Variants in BUD23 observed in about 807,000 individuals in gnomAD.
BUD23 encodes the protein BUD23 rRNA methyltransferase and ribosome maturation factor.
A neutral mutation model predicts 47.0 loss-of-function variants in BUD23; 34 were observed. The ratio of observed to expected loss-of-function variants is 0.72; its 90% CI spans 0.55 to 0.96. The LOEUF is 0.96. Ranked by LOEUF, BUD23 falls within the 40% of genes least tolerant of loss-of-function variation. The pLI is 0.00. For synonymous variants in BUD23, 124 were observed against 132.0 expected (o/e 0.94, Z 0.41); for missense variants, 343 against 361.2 (o/e 0.95, Z 0.41).
At chr7:73,695,209 C>T (rs1490663290) in intron 10 of BUD23, 1 of 152,308 alleles carries the variant, frequency 6.6e-6, no homozygotes, top group African/African-American at 2.4e-5. Context: ...GTCTCGGCCT[C>T]CCAAAGTTCT....
intron 7 of BUD23, chr7:73,693,034 T>A (rs1554614292): frequency 1.8e-6 from 1 of 554,358 alleles, no homozygotes; most frequent in African/African-American, 1.9e-5. Flanking sequence ...ACTAATAACA[T>A]GAATGACTCT....
chr7:73,689,889 G>A (rs185526894), intron 5 of BUD23, among the ~76,000 whole-genome samples: 24 of 152,234 alleles, frequency 1.6e-4, no homozygotes, highest in African/African-American at 4.1e-4. Flanking sequence ...GCATTGGTGC[G>A]GGGAAGTGAA....
At chr7:73,692,847 T>G in intron 7 of BUD23, 1 of 574,004 alleles carries the variant, frequency 1.7e-6, no homozygotes, top group Non-Finnish European at 3.1e-6. Context: ...ATGCCTTCTC[T>G]TGGCAGATGA....
rs141991727 is a variant in BUD23, at chr7:73,692,599, C to T, written c.463C>T (p.Arg155Trp). ...GTGATGTTCCTGTTTCTTTCAGGTC[C>T]GGGGATCCCGAGCTGTCCTGCAGCT... ...FFASLFSVLVRGSRAVLQLYP... is the reference protein window; with the variant it reads ...FFASLFSVLVWGSRAVLQLYP... Residue 155 changes from arginine to tryptophan, a missense_variant, in exon 7 of 12, where the codon CGG (arginine) becomes TGG (tryptophan). By Grantham distance (101) the Arg-to-Trp change is moderately radical (BLOSUM62 -3). Transcript: ENST00000265758. 2.0e-5 allele frequency: 33 copies of T among 1,613,428 alleles called. No individual in the cohort carries two copies. The South Asian group carries it at 2.1e-4, about 10-fold the overall frequency.
Position 73,697,985 on chromosome 7 carries a change from G to A in BUD23, c.*99G>A, listed in dbSNP as rs1269432796. On this transcript the variant is annotated 3_prime_UTR_variant, in exon 12 of 12. Transcript: ENST00000265758. ...AGAAAAGTTCTAAAGTTATAAAAAT[G>A]TTTTCTGCAGTAAAAAAAAAGTTCT... The A allele has an allele frequency of 4.1e-5, 58 of 1,426,834 alleles. No homozygotes were observed. The highest frequency in any genetic ancestry group is 4.9e-5 in the Non-Finnish European group (52 of 1,070,208). The allele number at this position is 1,426,834 out of a possible 1,614,324, so 88.4% of individuals were successfully genotyped here.
In BUD23 at chr7:73,693,633, C is replaced by T; in HGVS notation, c.606C>T (p.Leu202=). 1.2e-6 allele frequency: 2 copies of T among 1,614,194 alleles called. No homozygotes were observed. The highest frequency in any genetic ancestry group is 1.7e-6 in the Non-Finnish European group (2 of 1,180,032). Residue 202 remains leucine, a synonymous_variant, in exon 9 of 12, where the codon CTC becomes CTT. Coordinates refer to ENST00000265758, the MANE Select transcript of BUD23 (RefSeq NM_017528.5). Reference sequence around the variant, plus strand: ...CACTTTCTCCTTTCAGATTCTACCTCTGCTTGTTTTCTGGGCCTTCGACCT... The same window carrying T: ...CACTTTCTCCTTTCAGATTCTACCTTTGCTTGTTTTCTGGGCCTTCGACCT... ...PNSAKAKKFY[L]CLFSGPSTFI...
intron 2 of BUD23, among the ~76,000 whole-genome samples, chr7:73,685,652 C>T (rs879972488): frequency 2.6e-5 from 4 of 152,134 alleles, no homozygotes; most frequent in Non-Finnish European, 5.9e-5. Flanking sequence ...ATCCACCCGC[C>T]TTGGCCTCCC....
intron 6 of BUD23, 127 bp from the exon 7 acceptor site, chr7:73,692,469 A>G: frequency 1.2e-6 from 1 of 839,694 alleles, no homozygotes; most frequent in Non-Finnish European, 1.9e-6. Context: ...TACTATCCCC[A>G]GCCCTAACAA....
rs1798507326 is a variant in BUD23 at position 73,698,137 on chromosome 7, G to GTAAA, written c.*251_*252insTAAA. 4 of 136,462 alleles carry GTAAA rather than the reference G, an allele frequency of 2.9e-5. No homozygotes were observed. Among genetic ancestry groups the GTAAA allele is most frequent in the South Asian group, 2.3e-4 (1 of 4,298 alleles). The allele number at this position is 136,462 out of a possible 1,614,324, so 8.5% of individuals were successfully genotyped here. ...ATAATGAAACTTCCTTTCCAGGGAG[G>GTAAA]AAAAAAAAAAAAAAAAAAAGCTCTG... is the stretch of plus-strand genomic sequence containing the variant. On this transcript the variant is annotated 3_prime_UTR_variant, in exon 12 of 12. Transcript: ENST00000265758.
At chr7:73,690,820 C>G (rs1798163193) in intron 5 of BUD23, 96 bp from the exon 6 acceptor site, 1 of 984,566 alleles carries the variant, frequency 1.0e-6, no homozygotes, top group African/African-American at 1.6e-5. Flanking sequence ...AGGGGTTTCT[C>G]TTGGAGAGCC....
In BUD23 at chr7:73,686,627, C is replaced by A; in HGVS notation, c.87-9C>A. The A allele has an allele frequency of 6.2e-7, 1 of 1,613,814 alleles. No homozygotes were observed. The highest frequency in any genetic ancestry group is 1.1e-5 in the South Asian group (1 of 91,070). ...TTTACCATGTCCACTTGTGTTTCTG[C>A]CTTACCAGCTCACGGATGATTGATA... On this transcript the variant is annotated splice_polypyrimidine_tract_variant and intron_variant, in intron 2 of 11. Transcript: ENST00000265758.
intron 5 of BUD23, among the ~76,000 whole-genome samples, chr7:73,687,548 T>C (rs1554613268): frequency 6.6e-6 from 1 of 152,194 alleles, no homozygotes; most frequent in African/African-American, 2.4e-5. Context: ...GTGCTGGGAT[T>C]ACAGGTGTGA....
intron 10 of BUD23, chr7:73,696,895 TC>T: frequency 6.3e-6 from 1 of 158,496 alleles, no homozygotes; most frequent in Non-Finnish European, 1.4e-5. Context: ...TTGATGACTT[TC>T]CCCCTTGCTG....
chr7:73,683,711 T>C (rs1797815644), intron 1 of BUD23, 38 bp downstream of exon 1: 3 of 1,613,918 alleles, frequency 1.9e-6, no homozygotes, highest in Middle Eastern at 1.6e-4. Flanking sequence ...TCTCCCCACT[T>C]CTGCGGCCAC....
rs782458230 is a variant in BUD23, at chr7:73,683,623, A to T, written c.-3A>T. On this transcript the variant is annotated 5_prime_UTR_variant, in exon 1 of 12. Transcript: ENST00000265758. ...GTCGCAGGTGTGCTGCTGAGGCGTG[A>T]GAATGGCGTCCCGCGGCCGGCGTCC... 3 of 1,608,950 alleles carry T rather than the reference A, an allele frequency of 1.9e-6. No individual in the cohort carries two copies. Among genetic ancestry groups the T allele is most frequent in the South Asian group, 1.1e-5 (1 of 90,794 alleles).
At position 73,686,916 on chromosome 7, in the gene BUD23, C is replaced by T; in HGVS notation, c.265+16C>T. The stretch of plus-strand genomic sequence containing the variant: ...GCCATGCTGGGTAAGTATGTCCTGT[C>T]TGGCACCAGGGTGGATTACCCTGAT... On this transcript the variant is annotated intron_variant, in intron 4 of 11. Transcript: ENST00000265758. The T allele has an allele frequency of 1.2e-6, 2 of 1,614,184 alleles. No homozygotes were observed. The highest frequency in any genetic ancestry group is 1.3e-5 in the African/African-American group (1 of 75,052).
At chr7:73,693,873 T>C in intron 9 of BUD23, 119 bp from the exon 10 acceptor site, 1 of 1,396,854 alleles carries the variant, frequency 7.2e-7, no homozygotes, top group Non-Finnish European at 1.0e-6. Context: ...CAGTTCCTTC[T>C]CGTGGGACTG....
intron 5 of BUD23, among the ~76,000 whole-genome samples, chr7:73,688,592 A>G (rs1182417706): frequency 6.6e-6 from 1 of 152,190 alleles, no homozygotes; most frequent in Non-Finnish European, 1.5e-5. Context: ...AGTGCTTCAC[A>G]GTCCTTTCTC....
chr7:73,694,923 A>G (rs1215625536), intron 10 of BUD23: 2 of 152,216 alleles, frequency 1.3e-5, no homozygotes, highest in Non-Finnish European at 2.9e-5. Flanking sequence ...GTCTCTTGCC[A>G]CCTGGGGTTT....
Sources: allele counts gnomAD v4.1 joint callset (sites outside exome capture counted in the v4.1 genomes callset), GRCh38; gene constraint gnomAD v4.1.1; transcripts MANE v1.5; gene names NCBI Gene and HGNC (gene_info 2026-07-23, HGNC 2026-07-21).